NLGN4X: variants seen among roughly 807,000 people sequenced by gnomAD.
The protein encoded by NLGN4X is neuroligin-4, X-linked.
NLGN4X carries 3 observed loss-of-function variants against 40.3 expected under a neutral mutation model. The observed-to-expected ratio is 0.07, with a 90% CI of 0.03 to 0.19. NLGN4X has a LOEUF of 0.19. Among genes scored for constraint, NLGN4X ranks in the 10% least tolerant of loss-of-function variants. The pLI, the probability that NLGN4X is intolerant of heterozygous loss-of-function variation, is 1.00. For synonymous variants in NLGN4X, 270 were observed against 306.8 expected, an observed-to-expected ratio of 0.88 and a Z score of 1.25; for missense variants, 382 against 708.3, an observed-to-expected ratio of 0.54 and a Z score of 5.23.
chrX:6,117,078 G>T (rs967545086), intron 2 of NLGN4X, among the ~76,000 whole-genome samples: 1 of 110,965 alleles, frequency 9.0e-6, no homozygotes, highest in African/African-American at 3.3e-5. Context: ...TCACCTTATG[G>T]GAATTGGCCA....
At chrX:6,188,433 G>A (rs181252259) in intron 1 of NLGN4X, among the ~76,000 whole-genome samples, 1 of 111,480 alleles carries the variant, frequency 9.0e-6, no homozygotes, top group African/African-American at 3.3e-5. Flanking sequence ...GAGATTGCGC[G>A]TGTATTTCAA....
intron 1 of NLGN4X, among the ~76,000 whole-genome samples, chrX:6,193,271 C>T (rs769626722): frequency 7.0e-4 from 77 of 110,519 alleles, no homozygotes; most frequent in African/African-American, 2.1e-3. Flanking sequence ...TAGCCGGGCG[C>T]AGTGGCGGGC....
chrX:6,032,681 C>CA, intron 2 of NLGN4X: 6 of 1,164,831 alleles, frequency 5.2e-6, no homozygotes, highest in Non-Finnish European at 6.9e-6. Flanking sequence ...TTTGAAAAAA[C>CA]AAAAAATACC....
chrX:6,121,602 A>G, intron 2 of NLGN4X, among the ~76,000 whole-genome samples: 1 of 112,539 alleles, frequency 8.9e-6, no homozygotes, highest in African/African-American at 3.2e-5. Context: ...GACATCTGGC[A>G]AATGCCTCCT....
Position 6,148,504 on chromosome X carries a change from A to G in NLGN4X, c.472+2491T>C, listed in dbSNP as rs761632150. ...AATAATTAAACATCTAAAGCTCTGC[A>G]TTGGTTCTTTTTTTGTTTTTGTTTT... On this transcript the variant is annotated intron_variant, in intron 2 of 5. Coordinates refer to ENST00000381095, the MANE Select transcript of NLGN4X (RefSeq NM_181332.3). Among the ~76,000 whole-genome samples the G allele has an allele frequency of 2.5e-3, 273 of 111,204 alleles. 3 individuals carry two copies. The highest frequency in any genetic ancestry group is 4.2e-3 in the Non-Finnish European group (222 of 53,054).
chrX:6,078,515 G>A, intron 2 of NLGN4X, among the ~76,000 whole-genome samples: 1 of 111,234 alleles, frequency 9.0e-6, no homozygotes, highest in Non-Finnish European at 1.9e-5. Flanking sequence ...CTGCCAGGTT[G>A]GTTGCACTGG....
intron 1 of NLGN4X, among the ~76,000 whole-genome samples, chrX:6,197,109 T>G (rs1239764557): frequency 1.8e-5 from 2 of 112,080 alleles, no homozygotes; most frequent in Non-Finnish European, 3.8e-5. Context: ...GCCATTGTCA[T>G]GTAGCTGATA....
intron 2 of NLGN4X, among the ~76,000 whole-genome samples, chrX:6,046,950 T>C (rs1319878775): frequency 9.2e-6 from 1 of 108,222 alleles, no homozygotes; most frequent in East Asian, 2.8e-4. Context: ...ATATACATTA[T>C]ATACTAATGC....
At chrX:5,970,685 T>G (rs748874354) in intron 3 of NLGN4X, among the ~76,000 whole-genome samples, 12 of 112,158 alleles carry the variant, frequency 1.1e-4, no homozygotes, top group African/African-American at 3.6e-4. Context: ...TGCCTACCCA[T>G]GTGCTTTTAT....
chrX:5,941,180 GGTGTGTGTGTGTGTGTGT>G (rs3220455), intron 3 of NLGN4X, among the ~76,000 whole-genome samples: 3 of 58,625 alleles, frequency 5.1e-5, no homozygotes, highest in South Asian at 1.3e-3. Context: ...TATGCTAGGG[GGTGTGTGTGTGTGTGTGT>G]GTGTGTGTGT....
chrX:6,227,332 C>G (rs935888615), intron 1 of NLGN4X: 1 of 109,361 alleles, frequency 9.1e-6, no homozygotes, highest in African/African-American at 3.4e-5. Flanking sequence ...AGGCTTAACA[C>G]TCCCCCCGAC....
At position 6,029,374 on chromosome X, in the gene NLGN4X, G is replaced by A; in HGVS notation, c.531C>T (p.Tyr177=). Reference sequence around the variant, plus strand: ...CAATCATGTTGCCGGTGCCCTCCATGTAAGATCCCCCATGGATATAGACCA... The same window carrying A: ...CAATCATGTTGCCGGTGCCCTCCATATAAGATCCCCCATGGATATAGACCA... ...PVMVYIHGGS[Y]MEGTGNMIDG... Residue 177 remains tyrosine (Y), a synonymous_variant, in exon 3 of 6, where the codon TAC becomes TAT. Transcript: ENST00000381095. 1 of 1,210,649 alleles carries A rather than the reference G, an allele frequency of 8.3e-7. No individual in the cohort carries two copies. Among genetic ancestry groups the A allele is most frequent in the Admixed American group, 2.2e-5 (1 of 45,966 alleles).
chrX:5,927,987 T>A (rs1357353060), intron 3 of NLGN4X, among the ~76,000 whole-genome samples: 1 of 112,018 alleles, frequency 8.9e-6, no homozygotes, highest in Non-Finnish European at 1.9e-5. Context: ...GCTCACTGAT[T>A]AGTGTTTAAA....
chrX:6,120,638 C>G (rs906627669), intron 2 of NLGN4X, among the ~76,000 whole-genome samples: 9 of 111,802 alleles, frequency 8.0e-5, no homozygotes, highest in African/African-American at 2.9e-4. Flanking sequence ...CTTACAAGAG[C>G]AAGAACCTGT....
At chrX:6,097,720 G>A (rs1405891691) in intron 2 of NLGN4X, among the ~76,000 whole-genome samples, 2 of 111,311 alleles carry the variant, frequency 1.8e-5, no homozygotes. Flanking sequence ...ATAAGAAAAG[G>A]TCCATGTCAC....
At chrX:6,125,589 A>G (rs1019933738) in intron 2 of NLGN4X, among the ~76,000 whole-genome samples, 1 of 111,446 alleles carries the variant, frequency 9.0e-6, no homozygotes, top group Non-Finnish European at 1.9e-5. Flanking sequence ...TAAAAAAAGA[A>G]ATTGAAATAT....
chrX:6,101,047 G>T (rs192099147), intron 2 of NLGN4X, among the ~76,000 whole-genome samples: 54 of 110,431 alleles, frequency 4.9e-4, no homozygotes, highest in Middle Eastern at 9.5e-3. Flanking sequence ...TCACTTGAAA[G>T]AAATATAATT....
At chrX:6,157,027 T>C (rs1444935704) in intron 1 of NLGN4X, among the ~76,000 whole-genome samples, 1 of 110,919 alleles carries the variant, frequency 9.0e-6, no homozygotes, top group Non-Finnish European at 1.9e-5. Context: ...GGCACATGCC[T>C]GTATTGCCAG....
chrX:5,961,006 ATTTAC>A (rs1174934823), intron 3 of NLGN4X, among the ~76,000 whole-genome samples: 3 of 111,075 alleles, frequency 2.7e-5, no homozygotes, highest in African/African-American at 9.8e-5. Context: ...TTACTTATTT[ATTTAC>A]TTTATTTTAT....
Sources: gnomAD v4.1 joint callset for allele counts (sites outside exome capture counted in the v4.1 genomes callset) on GRCh38, gnomAD v4.1.1 for gene constraint, MANE v1.5 for transcripts, NCBI Gene and HGNC (gene_info 2026-07-23, HGNC 2026-07-21) for gene names.